TSPAN18: variants seen among roughly 807,000 people sequenced by gnomAD.
TSPAN18 encodes tetraspanin 18, also known as tetraspanin-18.
A neutral mutation model predicts 27.3 loss-of-function variants in TSPAN18; 14 were observed. That is an observed-to-expected ratio of 0.51 (90% CI 0.34 to 0.80). The LOEUF (loss-of-function observed/expected upper bound fraction) is 0.80, where lower values mean the gene tolerates loss of function less well. Among genes scored for constraint, TSPAN18 ranks in the 30% least tolerant of loss-of-function variants. The pLI is 0.01. For synonymous variants in TSPAN18, 143 were observed against 136.5 expected (o/e 1.05, Z -0.33); for missense variants, 268 against 323.9 (o/e 0.83, Z 1.32).
chr11:44,850,216 A>G (rs925321377), intron 2 of TSPAN18, among the ~76,000 whole-genome samples: 8 of 152,190 alleles, frequency 5.3e-5, no homozygotes, highest in Admixed American at 1.3e-4. Flanking sequence ...ATTTATTCCT[A>G]TTGTTATTCC....
chr11:44,859,086 G>A (rs529784364), intron 2 of TSPAN18, among the ~76,000 whole-genome samples: 1 of 152,254 alleles, frequency 6.6e-6, no homozygotes, highest in East Asian at 1.9e-4. Flanking sequence ...TGGTGATGGG[G>A]GGTAAGGAGA....
chr11:44,871,300 T>C (rs182605490), intron 3 of TSPAN18, among the ~76,000 whole-genome samples: 3 of 152,236 alleles, frequency 2.0e-5, no homozygotes, highest in Non-Finnish European at 4.4e-5. Flanking sequence ...ATCTTCGCCT[T>C]GTATCTTCAT....
chr11:44,862,476 A>C (rs1857923256), intron 3 of TSPAN18, among the ~76,000 whole-genome samples: 2 of 152,318 alleles, frequency 1.3e-5, no homozygotes, highest in Admixed American at 1.3e-4. Flanking sequence ...CTCAGCGCTC[A>C]GCACCACCCT....
chr11:44,863,572 A>T (rs1283259125), intron 3 of TSPAN18, among the ~76,000 whole-genome samples: 1 of 152,060 alleles, frequency 6.6e-6, no homozygotes, highest in Admixed American at 6.5e-5. Context: ...GCTCATTTTC[A>T]CTTAGAGCAT....
rs143655411 is a variant in TSPAN18, at chr11:44,904,819, G to A, written c.-10-1588G>A. ...TTGGATTGTGGTTTTGGGCGAGGGC[G>A]AGGAGGGGACAGAGTTGCTGAGGCC... is the stretch of plus-strand genomic sequence containing the variant. On this transcript the variant is annotated intron_variant, in intron 3 of 9. Transcript: ENST00000520358. Among the ~76,000 whole-genome samples, 225 of 152,246 alleles carry A rather than the reference G, an allele frequency of 1.5e-3. 1 individual carries two copies. Among genetic ancestry groups the A allele is most frequent in the African/African-American group, 4.0e-3 (168 of 41,548 alleles).
intron 2 of TSPAN18, among the ~76,000 whole-genome samples, chr11:44,839,864 C>G (rs750737388): frequency 3.3e-5 from 5 of 152,054 alleles, no homozygotes; most frequent in Non-Finnish European, 5.9e-5. Flanking sequence ...CCCGGTGCTC[C>G]CCAGGATGGC....
At position 44,907,411 on chromosome 11, in the gene TSPAN18, A is replaced by G. The variant is rs189671583; in HGVS notation, c.63+932A>G. The stretch of plus-strand genomic sequence containing the variant: ...TGAAAGAGGGGTCCTCTTTCTGGCC[A>G]GGACTGACCGTCTGTCTCTCTCAGT... On this transcript the variant is annotated intron_variant, in intron 4 of 9. Transcript: ENST00000520358. Among the ~76,000 whole-genome samples, 579 of 152,352 alleles carry G rather than the reference A, an allele frequency of 3.8e-3. 4 individuals carry two copies. Among genetic ancestry groups the G allele is most frequent in the Non-Finnish European group, 4.6e-3 (312 of 68,042 alleles).
At chr11:44,869,026 A>T (rs1355043334) in intron 3 of TSPAN18, among the ~76,000 whole-genome samples, 1 of 152,210 alleles carries the variant, frequency 6.6e-6, no homozygotes. Context: ...GTTCTGGCTG[A>T]GGGGGTGCCA....
chr11:44,781,625 A>T (rs1199225132), intron 2 of TSPAN18, among the ~76,000 whole-genome samples: 2 of 152,020 alleles, frequency 1.3e-5, no homozygotes, highest in Non-Finnish European at 2.9e-5. Context: ...ACAACCCAGG[A>T]CTCTGGAGTC....
intron 2 of TSPAN18, among the ~76,000 whole-genome samples, chr11:44,765,762 A>C (rs1855555210): frequency 6.6e-6 from 1 of 152,170 alleles, no homozygotes; most frequent in Non-Finnish European, 1.5e-5. Flanking sequence ...TAATTAGCCA[A>C]ATCATCTCTC....
intron 2 of TSPAN18, among the ~76,000 whole-genome samples, chr11:44,838,080 T>C (rs1857299077): frequency 6.6e-6 from 1 of 152,174 alleles, no homozygotes; most frequent in Non-Finnish European, 1.5e-5. Context: ...AAGATGTCCA[T>C]GTCCCAATCG....
intron 2 of TSPAN18, among the ~76,000 whole-genome samples, chr11:44,836,567 G>A (rs937547382): frequency 3.9e-5 from 6 of 152,154 alleles, no homozygotes; most frequent in Admixed American, 3.3e-4. Context: ...TGCAGGTGGC[G>A]GCGATACAAA....
chr11:44,781,560 C>T (rs960844891), intron 2 of TSPAN18, among the ~76,000 whole-genome samples: 1 of 152,116 alleles, frequency 6.6e-6, no homozygotes, highest in African/African-American at 2.4e-5. Context: ...CTGGAATCTT[C>T]CAGCAGCCTG....
At chr11:44,874,646 A>G (rs944729490) in intron 3 of TSPAN18, among the ~76,000 whole-genome samples, 3 of 152,212 alleles carry the variant, frequency 2.0e-5, no homozygotes, top group South Asian at 4.1e-4. Flanking sequence ...AAATGGTGAG[A>G]TGGGAACCAG....
intron 2 of TSPAN18, among the ~76,000 whole-genome samples, chr11:44,852,338 T>G (rs976393143): frequency 2.0e-5 from 3 of 152,232 alleles, no homozygotes; most frequent in Non-Finnish European, 2.9e-5. Context: ...GTAGGAACTC[T>G]GATTATCCCC....
At chr11:44,822,372 G>A (rs1665157) in intron 2 of TSPAN18, among the ~76,000 whole-genome samples, 107,593 of 151,766 alleles carry the variant, frequency 0.71, 38,613 homozygotes, top group Admixed American at 0.81. Flanking sequence ...CTCACTCAGC[G>A]ACAATCCAGT....
intron 2 of TSPAN18, among the ~76,000 whole-genome samples, chr11:44,828,396 A>T (rs1417965834): frequency 1.3e-5 from 2 of 151,908 alleles, no homozygotes; most frequent in Admixed American, 1.3e-4. Context: ...TGGCTGGAGG[A>T]TCTTGGCAAT....
intron 2 of TSPAN18, among the ~76,000 whole-genome samples, chr11:44,796,982 C>G (rs1366632386): frequency 4.6e-5 from 7 of 152,286 alleles, no homozygotes; most frequent in Admixed American, 1.3e-4. Flanking sequence ...ATTGTCCTGA[C>G]TCTGAGTAGC....
intron 2 of TSPAN18, among the ~76,000 whole-genome samples, chr11:44,804,141 C>T (rs1418777982): frequency 6.6e-6 from 1 of 151,894 alleles, no homozygotes; most frequent in African/African-American, 2.4e-5. Context: ...CTCGCTCTGT[C>T]GCCCAGAGCT....
Sources: gnomAD v4.1 joint callset for allele counts (sites outside exome capture counted in the v4.1 genomes callset) on GRCh38, gnomAD v4.1.1 for gene constraint, MANE v1.5 for transcripts, NCBI Gene and HGNC (gene_info 2026-07-23, HGNC 2026-07-21) for gene names.